The following CACHD1 variants were observed in gnomAD, a reference collection of about 807,000 sequenced individuals.
The protein encoded by CACHD1 is VWFA and cache domain-containing protein 1.
Under a neutral mutation model 138.7 loss-of-function variants are expected in CACHD1, and 71 were observed. The ratio of observed to expected loss-of-function variants is 0.51; its 90% CI spans 0.42 to 0.62. The LOEUF (loss-of-function observed/expected upper bound fraction) is 0.62. CACHD1 is among the 20% of genes least tolerant of loss of function. The pLI is 0.00. For synonymous variants in CACHD1, 578 were observed against 591.5 expected (o/e 0.98, Z 0.33); for missense variants, 1,389 against 1,625.3 (o/e 0.85, Z 2.50).
intron 2 of CACHD1, among the ~76,000 whole-genome samples, chr1:64,581,087 CTTTATAG>C (rs1357191431): frequency 2.6e-5 from 4 of 152,108 alleles, no homozygotes; most frequent in Non-Finnish European, 4.4e-5. Flanking sequence ...TTTTTCTAAA[CTTTATAG>C]TTTATATAAT....
At chr1:64,585,187 G>C (rs528003902) in intron 3 of CACHD1, among the ~76,000 whole-genome samples, 8 of 152,256 alleles carry the variant, frequency 5.3e-5, no homozygotes, top group African/African-American at 1.9e-4. Context: ...TGTGAGAATG[G>C]TCAGACATAC....
chr1:64,578,471 A>G (rs966037413), intron 2 of CACHD1, among the ~76,000 whole-genome samples: 3 of 152,190 alleles, frequency 2.0e-5, no homozygotes, highest in Admixed American at 6.5e-5. Context: ...CTGATCCTGC[A>G]TTTTCCAGTT....
chr1:64,530,149 G>A (rs116290231), intron 1 of CACHD1, among the ~76,000 whole-genome samples: 2,895 of 152,248 alleles, frequency 0.019, 39 homozygotes, highest in Middle Eastern at 0.061. Flanking sequence ...TTAGCGTTTT[G>A]CCCTATAGTT....
chr1:64,594,202 T>G (rs1416083733), intron 3 of CACHD1, among the ~76,000 whole-genome samples: 1 of 148,378 alleles, frequency 6.7e-6, no homozygotes, highest in Non-Finnish European at 1.5e-5. Context: ...TGCAGTGAGC[T>G]GAGATCGTGC....
At chr1:64,510,049 A>G (rs571803447) in intron 1 of CACHD1, among the ~76,000 whole-genome samples, 210 of 152,314 alleles carry the variant, frequency 1.4e-3, no homozygotes, top group African/African-American at 4.8e-3. Flanking sequence ...TACATTTAGG[A>G]TGACTTAGAG....
At chr1:64,483,877 T>C (rs61784550) in intron 1 of CACHD1, among the ~76,000 whole-genome samples, 10 of 99,342 alleles carry the variant, frequency 1.0e-4, no homozygotes, top group Admixed American at 7.5e-4. Context: ...CCCCCCCCCT[T>C]GCATATAACT....
intron 1 of CACHD1, among the ~76,000 whole-genome samples, chr1:64,530,288 T>G (rs1410898664): frequency 6.6e-6 from 1 of 152,186 alleles, no homozygotes; most frequent in East Asian, 1.9e-4. Context: ...TATCGCCTTA[T>G]TCCCATCTTC....
At chr1:64,478,055 A>T (rs917776704) in intron 1 of CACHD1, among the ~76,000 whole-genome samples, 1 of 152,224 alleles carries the variant, frequency 6.6e-6, no homozygotes, top group Non-Finnish European at 1.5e-5. Flanking sequence ...ATATTGGTAC[A>T]CTAGTATATA....
chr1:64,629,541 A>T, intron 5 of CACHD1, 60 bp downstream of exon 5: 1 of 1,560,320 alleles, frequency 6.4e-7, no homozygotes, highest in Non-Finnish European at 8.7e-7. Flanking sequence ...TACATGAAAT[A>T]TAAAACTTCT....
chr1:64,628,525 G>A lies in CACHD1; in HGVS notation c.518-830G>A, dbSNP rs141521560. On this transcript the variant is annotated intron_variant, in intron 4 of 26. Coordinates refer to ENST00000651257, the MANE Select transcript of CACHD1 (RefSeq NM_020925.4). Reference sequence around the variant, plus strand: ...GGGTAAGAAAGACTTCATGGAGGTCGTGGGACAGGATTGCACACAACAAGG... The same window carrying A: ...GGGTAAGAAAGACTTCATGGAGGTCATGGGACAGGATTGCACACAACAAGG... 1.6e-3 allele frequency among the ~76,000 whole-genome samples: 243 copies of A among 152,252 alleles called. 3 individuals carry two copies. Among genetic ancestry groups the A allele is most frequent in the African/African-American group, 5.5e-3 (229 of 41,558 alleles).
intron 3 of CACHD1, among the ~76,000 whole-genome samples, chr1:64,599,810 C>A (rs1013977835): frequency 2.0e-5 from 3 of 152,112 alleles, no homozygotes; most frequent in Non-Finnish European, 4.4e-5. Context: ...CCAGAAAAAT[C>A]TATGTATCCT....
intron 26 of CACHD1, among the ~76,000 whole-genome samples, chr1:64,684,736 C>G (rs928579136): frequency 1.3e-5 from 2 of 152,188 alleles, no homozygotes; most frequent in Admixed American, 6.5e-5. Context: ...CTGGCTCACA[C>G]AGAACAACTA....
rs537327975 is a variant in CACHD1, at chr1:64,527,255, G to C, written c.199-23339G>C. Among the ~76,000 whole-genome samples, 50 of 152,302 alleles carry C rather than the reference G, an allele frequency of 3.3e-4. 1 individual carries two copies. Among genetic ancestry groups the C allele is most frequent in the African/African-American group, 1.0e-3 (43 of 41,572 alleles). On this transcript the variant is annotated intron_variant, in intron 1 of 26. Coordinates refer to ENST00000651257, the MANE Select transcript of CACHD1 (RefSeq NM_020925.4). The stretch of plus-strand genomic sequence containing the variant: ...TGCCTTGAAGCTGGGATCCATCAAG[G>C]ACACCCCAGATCATTCAGTGCGGCC...
rs748238864 is a variant in CACHD1, at chr1:64,675,883, T to C, written c.2889-14T>C. ...ATTGACCTTCTGCATAGTAACTTTC[T>C]TTTTGCTTTTCAGAATGGAACAAAA... is the stretch of plus-strand genomic sequence containing the variant. On this transcript the variant is annotated splice_polypyrimidine_tract_variant and intron_variant, in intron 20 of 26. Transcript: ENST00000651257. The C allele has an allele frequency of 2.0e-6, 3 of 1,517,356 alleles. No homozygotes were observed. The highest frequency in any genetic ancestry group is 2.7e-6 in the Non-Finnish European group (3 of 1,130,242). 94.0% of individuals were successfully genotyped at this position (1,517,356 alleles called of 1,614,324 possible). A position where few individuals can be genotyped will look rare whatever the true frequency, so the allele number is the denominator to read the frequency against.
intron 26 of CACHD1, among the ~76,000 whole-genome samples, chr1:64,686,316 G>C (rs530536191): frequency 6.6e-6 from 1 of 152,176 alleles, no homozygotes; most frequent in South Asian, 2.1e-4. Context: ...TGTGATCCTA[G>C]AATTGAATGA....
At chr1:64,603,030 T>C in intron 4 of CACHD1, 118 bp downstream of exon 4, 2 of 602,876 alleles carry the variant, frequency 3.3e-6, no homozygotes, top group Non-Finnish European at 5.8e-6. Flanking sequence ...ATACTTAAGA[T>C]TGGATATTTC....
chr1:64,666,237 G>A (rs1649628874), intron 16 of CACHD1, 70 bp downstream of exon 16: 2 of 985,530 alleles, frequency 2.0e-6, no homozygotes, highest in African/African-American at 1.6e-5. Context: ...CTGAATAGAA[G>A]AGTACGCGCA....
intron 12 of CACHD1, among the ~76,000 whole-genome samples, chr1:64,657,292 C>G (rs1164465558): frequency 6.6e-6 from 1 of 152,062 alleles, no homozygotes; most frequent in Non-Finnish European, 1.5e-5. Context: ...TTTTTTTCAG[C>G]TAAGAACATG....
intron 1 of CACHD1, among the ~76,000 whole-genome samples, chr1:64,507,816 G>A (rs890489476): frequency 3.9e-5 from 6 of 152,216 alleles, no homozygotes; most frequent in African/African-American, 1.4e-4. Context: ...CAAACCACCA[G>A]TATGTTGCCT....
Sources: gnomAD v4.1 joint callset for allele counts (sites outside exome capture counted in the v4.1 genomes callset) on GRCh38, gnomAD v4.1.1 for gene constraint, MANE v1.5 for transcripts, NCBI Gene and HGNC (gene_info 2026-07-23, HGNC 2026-07-21) for gene names.